The following CFAP74 variants were observed in gnomAD, a reference collection of about 807,000 sequenced individuals.
CFAP74 encodes cilia and flagella associated protein 74.
A neutral mutation model predicts 188.9 loss-of-function variants in CFAP74; 124 were observed. The ratio of observed to expected loss-of-function variants is 0.66; its 90% CI spans 0.57 to 0.76. The LOEUF (loss-of-function observed/expected upper bound fraction) is 0.76. Among genes scored for constraint, CFAP74 ranks in the 30% least tolerant of loss-of-function variants. The pLI, the probability that CFAP74 is intolerant of heterozygous loss-of-function variation, is 0.00. For missense variants in CFAP74, 2,198 were observed against 2,165.2 expected (o/e 1.02, Z -0.30); for synonymous variants, 956 against 916.7 (o/e 1.04, Z -0.77).
At chr1:1,938,007 T>C (rs914430442) in intron 25 of CFAP74, among the ~76,000 whole-genome samples, 13 of 151,718 alleles carry the variant, frequency 8.6e-5, no homozygotes, top group Non-Finnish European at 4.4e-5. Flanking sequence ...CACTCACACA[T>C]ACAAGCACTC....
At chr1:1,946,741 G>GTGCCCCACACCCGGGAAACAA (rs1247627181) in intron 19 of CFAP74, among the ~76,000 whole-genome samples, 2 of 152,222 alleles carry the variant, frequency 1.3e-5, no homozygotes, top group Non-Finnish European at 2.9e-5. Context: ...GTTTCACCCA[G>GTGCCCCACACCCGGGAAACAA]TGCCCCACAC....
intron 1 of CFAP74, among the ~76,000 whole-genome samples, chr1:2,002,039 T>C (rs1658233885): frequency 6.6e-6 from 1 of 152,082 alleles, no homozygotes; most frequent in Non-Finnish European, 1.5e-5. Flanking sequence ...TGGCAAAGCG[T>C]GTTTGACAGG....
chr1:1,983,989 AT>A lies in CFAP74; in HGVS notation c.500+1396del, dbSNP rs71578355. ...CAGGCGTGAGCCACCGCGCCCAGCC[AT>A]TTTTTTTTTTTTTAAAAGACAGAGT... is the stretch of plus-strand genomic sequence containing the variant. On this transcript the variant is annotated intron_variant, in intron 6 of 38. Transcript: ENST00000682832. 4.6e-3 allele frequency: 593 copies of A among 129,940 alleles called. 2 individuals are homozygous for A. The highest frequency in any genetic ancestry group is 0.012 in the African/African-American group (409 of 33,664). The allele number at this position is 129,940 out of a possible 1,614,324, so 8.0% of individuals were successfully genotyped here.
chr1:1,981,747 C>A (rs1385003422), intron 6 of CFAP74, among the ~76,000 whole-genome samples: 7 of 131,008 alleles, frequency 5.3e-5, no homozygotes, highest in East Asian at 2.4e-4. Flanking sequence ...CGCAGGACAC[C>A]CAGCCGCGGT....
intron 18 of CFAP74, chr1:1,954,779 AAC>A: frequency 1.8e-5 from 20 of 1,100,100 alleles, no homozygotes; most frequent in Non-Finnish European, 2.2e-5. Flanking sequence ...ACCCTGTCTC[AAC>A]ATAAAAAGAA....
At chr1:1,959,590 T>C (rs986017013) in intron 15 of CFAP74, among the ~76,000 whole-genome samples, 1 of 152,186 alleles carries the variant, frequency 6.6e-6, no homozygotes, top group Non-Finnish European at 1.5e-5. Context: ...GCCTGTTACA[T>C]GTGCCGTGGC....
At position 1,939,703 on chromosome 1, in the gene CFAP74, G is replaced by A. The variant is rs1653228215; in HGVS notation, c.2768C>T (p.Ser923Leu). Residue 923 changes from serine (S) to leucine (L), a missense_variant, in exon 24 of 39, where the codon TCG (serine) becomes TTG (leucine). Physicochemically the swap from Ser to Leu is moderately radical, Grantham distance 145. Coordinates refer to ENST00000682832, the MANE Select transcript of CFAP74 (RefSeq NM_001304360.2). ...VTTSDLELSP[S>L]EVDFGYCTIY... is the part of the protein sequence containing the mutation. Reference sequence around the variant, plus strand: ...GGTGCAGTAGCCAAAATCCACCTCCGAGGGACTGAGCTCCAGGTCCGAGGT... The same window carrying A: ...GGTGCAGTAGCCAAAATCCACCTCCAAGGGACTGAGCTCCAGGTCCGAGGT... 21 of 1,535,974 alleles carry A rather than the reference G, an allele frequency of 1.4e-5. No individual in the cohort carries two copies. Among genetic ancestry groups the A allele is most frequent in the East Asian group, 2.4e-5 (1 of 40,934 alleles).
At chr1:1,964,815 T>A (rs1424244144) in intron 13 of CFAP74, 73 bp downstream of exon 13, 1 of 1,546,182 alleles carries the variant, frequency 6.5e-7, no homozygotes, top group Non-Finnish European at 8.8e-7. Context: ...GTGTCAGGGG[T>A]TGGGCTGCGG....
chr1:1,996,895 T>G (rs1465284671), intron 1 of CFAP74, among the ~76,000 whole-genome samples: 3 of 129,110 alleles, frequency 2.3e-5, no homozygotes, highest in Admixed American at 9.2e-5. Flanking sequence ...CACTCCAGCC[T>G]GGGTGACAGA....
chr1:1,932,769 T>A (rs1652519953), intron 25 of CFAP74, among the ~76,000 whole-genome samples: 1 of 151,658 alleles, frequency 6.6e-6, no homozygotes, highest in Non-Finnish European at 1.5e-5. Context: ...ATTTTTTGTA[T>A]TTTTAGTAGC....
intron 18 of CFAP74, among the ~76,000 whole-genome samples, chr1:1,949,091 T>C (rs1570891154): frequency 1.8e-5 from 2 of 110,818 alleles, no homozygotes; most frequent in African/African-American, 7.2e-5. Flanking sequence ...CCTTCCTCCC[T>C]CCCTCCTTTC....
At chr1:1,969,962 G>A (rs974337052) in intron 10 of CFAP74, among the ~76,000 whole-genome samples, 4 of 152,262 alleles carry the variant, frequency 2.6e-5, no homozygotes, top group African/African-American at 9.6e-5. Flanking sequence ...GGTGGTTTGC[G>A]TGGAGGTCAC....
intron 18 of CFAP74, chr1:1,953,444 C>G (rs948830542): frequency 6.6e-6 from 1 of 152,046 alleles, no homozygotes; most frequent in Non-Finnish European, 1.5e-5. Context: ...TACAGGCGCC[C>G]GCCACCACGC....
intron 11 of CFAP74, among the ~76,000 whole-genome samples, chr1:1,967,195 A>T (rs780928675): frequency 2.6e-5 from 4 of 152,188 alleles, no homozygotes; most frequent in Admixed American, 6.5e-5. Flanking sequence ...TGACCCCAGG[A>T]GGATGGCTGT....
chr1:1,989,314 G>A (rs1337377167), intron 2 of CFAP74, among the ~76,000 whole-genome samples: 2 of 152,242 alleles, frequency 1.3e-5, no homozygotes, highest in Admixed American at 6.5e-5. Flanking sequence ...TGTGGGAGCC[G>A]CCGGACTAAC....
intron 37 of CFAP74, 26 bp from the exon 38 acceptor site, chr1:1,922,749 C>A (rs768754968): frequency 6.3e-7 from 1 of 1,595,434 alleles, no homozygotes; most frequent in African/African-American, 1.3e-5. Context: ...CTCCTGTAGG[C>A]TGGCGACCAG....
chr1:1,967,529 G>T (rs1242072910), intron 11 of CFAP74, among the ~76,000 whole-genome samples: 1 of 152,106 alleles, frequency 6.6e-6, no homozygotes, highest in Non-Finnish European at 1.5e-5. Flanking sequence ...AGGCCCCGGC[G>T]TGAGACGGGC....
chr1:1,955,157 A>G (rs1427696476), intron 18 of CFAP74: 2 of 1,277,506 alleles, frequency 1.6e-6, no homozygotes, highest in Non-Finnish European at 2.0e-6. Context: ...CCACGCGAAG[A>G]CAGACAGGAG....
chr1:1,940,986 G>A (rs996793650), intron 22 of CFAP74, among the ~76,000 whole-genome samples: 1 of 152,044 alleles, frequency 6.6e-6, no homozygotes, highest in Non-Finnish European at 1.5e-5. Context: ...GGTGGCGGGC[G>A]CCTGTAGTCC....
Sources: gnomAD v4.1 joint callset for allele counts (sites outside exome capture counted in the v4.1 genomes callset) on GRCh38, gnomAD v4.1.1 for gene constraint, MANE v1.5 for transcripts, NCBI Gene and HGNC (gene_info 2026-07-23, HGNC 2026-07-21) for gene names.